The following NAV3 variants were observed in gnomAD, a reference collection of about 807,000 sequenced individuals.
NAV3 encodes pore membrane and/or filament interacting like protein 1.
NAV3 carries 87 observed loss-of-function variants against 244.7 expected under a neutral mutation model. That is an observed-to-expected ratio of 0.36 (90% CI 0.30 to 0.42). The LOEUF is 0.42. Among genes scored for constraint, NAV3 ranks in the 20% least tolerant of loss-of-function variants. The probability of loss-of-function intolerance (pLI) is 1.00; values close to 1 mark genes in which losing one functional copy is unlikely to be tolerated. For synonymous variants in NAV3, 1,126 were observed against 1,042.2 expected, an observed-to-expected ratio of 1.08 and a Z score of -1.55; for missense variants, 2,663 against 2,893.3, an observed-to-expected ratio of 0.92 and a Z score of 1.83.
intron 12 of NAV3, among the ~76,000 whole-genome samples, chr12:78,103,906 A>T (rs1437220928): frequency 6.6e-6 from 1 of 152,244 alleles, no homozygotes; most frequent in African/African-American, 2.4e-5. Flanking sequence ...ACACAGAGCC[A>T]AACTATATCA....
chr12:77,637,846 A>G (rs972921984), intron 2 of NAV3, among the ~76,000 whole-genome samples: 1 of 152,202 alleles, frequency 6.6e-6, no homozygotes, highest in Non-Finnish European at 1.5e-5. Context: ...AATTCCAAAG[A>G]AGGTAATTAC....
chr12:77,669,245 T>G (rs906832819), intron 2 of NAV3, among the ~76,000 whole-genome samples: 1 of 152,080 alleles, frequency 6.6e-6, no homozygotes, highest in African/African-American at 2.4e-5. Context: ...AAATCGGACC[T>G]CCTTAAAGCA....
intron 2 of NAV3, among the ~76,000 whole-genome samples, chr12:77,698,356 A>AG (rs1461194749): frequency 3.0e-4 from 45 of 152,236 alleles, no homozygotes; most frequent in African/African-American, 9.9e-4. Context: ...CTCAACTATT[A>AG]TTCCAATTAT....
At chr12:77,939,326 C>T (rs760302345) in intron 1 of NAV3, among the ~76,000 whole-genome samples, 3 of 152,074 alleles carry the variant, frequency 2.0e-5, no homozygotes, top group Non-Finnish European at 2.9e-5. Flanking sequence ...TCCTTCTCCT[C>T]ACTTCTCAGG....
chr12:78,155,540 AT>A (rs1957269708), intron 22 of NAV3, among the ~76,000 whole-genome samples: 1 of 152,086 alleles, frequency 6.6e-6, no homozygotes, highest in Admixed American at 6.6e-5. Flanking sequence ...ATACCCAGTA[AT>A]GGGATTACTG....
intron 12 of NAV3, among the ~76,000 whole-genome samples, chr12:78,079,938 A>G (rs1215877008): frequency 6.6e-6 from 1 of 152,188 alleles, no homozygotes; most frequent in Non-Finnish European, 1.5e-5. Context: ...ATAATCGAAG[A>G]TATTGTATCC....
At chr12:78,015,837 T>A (rs1009727283) in intron 8 of NAV3, among the ~76,000 whole-genome samples, 2 of 152,150 alleles carry the variant, frequency 1.3e-5, no homozygotes, top group Non-Finnish European at 2.9e-5. Context: ...AATTCCATCC[T>A]GTCTTCTGCA....
chr12:77,798,087 G>A (rs1439121158), intron 2 of NAV3, among the ~76,000 whole-genome samples: 1 of 151,530 alleles, frequency 6.6e-6, no homozygotes, highest in Non-Finnish European at 1.5e-5. Context: ...GCTTGAACCG[G>A]GGATGTGGAG....
At chr12:77,705,242 A>ATATTTC (rs1232429265) in intron 2 of NAV3, among the ~76,000 whole-genome samples, 4 of 151,830 alleles carry the variant, frequency 2.6e-5, no homozygotes, top group African/African-American at 2.4e-5. Context: ...AACATAGCGA[A>ATATTTC]ACCCTGTCTC....
chr12:78,137,907 T>C (rs1323113366), intron 19 of NAV3, among the ~76,000 whole-genome samples: 4 of 152,164 alleles, frequency 2.6e-5, no homozygotes, highest in Non-Finnish European at 4.4e-5. Flanking sequence ...TTTATAGTTA[T>C]ATAGTTCTAT....
At chr12:77,887,839 T>C (rs1438549832) in intron 1 of NAV3, among the ~76,000 whole-genome samples, 1 of 152,128 alleles carries the variant, frequency 6.6e-6, no homozygotes, top group East Asian at 1.9e-4. Context: ...TTTTAAGATA[T>C]GAAACATTAT....
chr12:77,980,698 A>G (rs1009826090), intron 5 of NAV3, among the ~76,000 whole-genome samples: 3 of 152,214 alleles, frequency 2.0e-5, no homozygotes, highest in Admixed American at 6.5e-5. Flanking sequence ...TCCAAACTAA[A>G]AATTGAAAAT....
intron 11 of NAV3, among the ~76,000 whole-genome samples, chr12:78,056,746 G>A (rs747868250): frequency 7.9e-5 from 12 of 152,038 alleles, no homozygotes; most frequent in Non-Finnish European, 1.6e-4. Flanking sequence ...ACGTATTTAT[G>A]CTACGAGTCA....
chr12:77,708,000 C>T (rs1400112119), intron 2 of NAV3, among the ~76,000 whole-genome samples: 2 of 151,876 alleles, frequency 1.3e-5, no homozygotes, highest in African/African-American at 2.4e-5. Flanking sequence ...TTCTCCCATT[C>T]TGTAGGTTGC....
At chr12:78,041,936 G>A (rs964725898) in intron 9 of NAV3, among the ~76,000 whole-genome samples, 1 of 151,652 alleles carries the variant, frequency 6.6e-6, no homozygotes, top group Admixed American at 6.6e-5. Flanking sequence ...TTTTCTTTTT[G>A]TTCCCTTTCT....
chr12:77,855,113 C>T (rs779630699), intron 1 of NAV3, among the ~76,000 whole-genome samples: 5 of 151,992 alleles, frequency 3.3e-5, no homozygotes, highest in Non-Finnish European at 5.9e-5. Context: ...GGTGACAGAG[C>T]GAGACTCCAT....
chr12:78,143,737 A>C (rs1030977902), intron 20 of NAV3, among the ~76,000 whole-genome samples: 2 of 152,122 alleles, frequency 1.3e-5, no homozygotes, highest in African/African-American at 4.8e-5. Flanking sequence ...AAAAATTCAA[A>C]ATTTTAAATT....
intron 2 of NAV3, among the ~76,000 whole-genome samples, chr12:77,682,282 CT>C (rs1456479517): frequency 1.3e-5 from 2 of 152,194 alleles, no homozygotes; most frequent in Non-Finnish European, 2.9e-5. Flanking sequence ...GCTTATTCCA[CT>C]TAATATAATA....
At chr12:77,994,930 A>T (rs2136404211) in intron 6 of NAV3, 59 bp downstream of exon 6, 1 of 1,245,974 alleles carries the variant, frequency 8.0e-7, no homozygotes. Flanking sequence ...ATACCCAGTG[A>T]TATTTTGTCC....
Sources: allele counts gnomAD v4.1 joint callset (sites outside exome capture counted in the v4.1 genomes callset), GRCh38; gene constraint gnomAD v4.1.1; transcripts MANE v1.5; gene names NCBI Gene and HGNC (gene_info 2026-07-23, HGNC 2026-07-21).